PDE11A: variants seen among roughly 807,000 people sequenced by gnomAD.
The protein encoded by PDE11A is phosphodiesterase 11A, also known as dual 3',5'-cyclic-AMP and -GMP phosphodiesterase 11A.
PDE11A carries 100 observed loss-of-function variants against 100.5 expected under a neutral mutation model. The observed-to-expected ratio is 1.00, with a 90% confidence interval of 0.85 to 1.18. The LOEUF is 1.18. PDE11A is among the 50% of genes most tolerant of loss of function. PDE11A has a pLI of 0.00. For missense variants in PDE11A, 1,141 were observed against 1,152.6 expected, an observed-to-expected ratio of 0.99 and a Z score of 0.15; for synonymous variants, 381 against 420.8, an observed-to-expected ratio of 0.91 and a Z score of 1.16.
At chr2:177,819,949 G>A (rs781689682) in intron 7 of PDE11A, among the ~76,000 whole-genome samples, 1 of 148,180 alleles carries the variant, frequency 6.7e-6, no homozygotes, top group African/African-American at 2.5e-5. Context: ...TTTCCACAGG[G>A]TGAGATAAAA....
upstream of PDE11A, among the ~76,000 whole-genome samples, chr2:178,075,415 G>C (rs1178515309): frequency 6.6e-6 from 1 of 151,868 alleles, no homozygotes; most frequent in African/African-American, 2.4e-5. Context: ...AGCCTGGAAT[G>C]GTGGCATGCA....
intron 1 of PDE11A, among the ~76,000 whole-genome samples, chr2:178,023,433 A>C (rs749395119): frequency 6.6e-6 from 1 of 152,190 alleles, no homozygotes; most frequent in Admixed American, 6.5e-5. Context: ...AGAGTTGAGA[A>C]TCTTATCCAG....
intron 13 of PDE11A, among the ~76,000 whole-genome samples, chr2:177,707,940 C>T (rs2081303545): frequency 6.6e-6 from 1 of 152,112 alleles, no homozygotes; most frequent in Non-Finnish European, 1.5e-5. Context: ...ACACAGTTAT[C>T]CCATCTTTCT....
chr2:177,886,404 T>C (rs1251944278), intron 4 of PDE11A, among the ~76,000 whole-genome samples: 1 of 152,164 alleles, frequency 6.6e-6, no homozygotes, highest in East Asian at 1.9e-4. Context: ...TGGCATCCAT[T>C]CAGTAAACTG....
chr2:177,699,146 G>A lies in PDE11A; in HGVS notation c.2245-1714C>T, dbSNP rs148694571. The stretch of plus-strand genomic sequence containing the variant: ...ATCTCCTCATTGTGTGAACATCACA[G>A]AAAGCACTTACACAAAACTAGATGA... On this transcript the variant is annotated intron_variant, in intron 14 of 19. Coordinates refer to ENST00000286063, the MANE Select transcript of PDE11A (RefSeq NM_016953.4). 3.7e-3 allele frequency among the ~76,000 whole-genome samples: 565 copies of A among 152,302 alleles called. 3 individuals carry two copies. Among genetic ancestry groups the A allele is most frequent in the African/African-American group, 0.013 (528 of 41,570 alleles).
At chr2:178,036,411 T>C (rs989956587) in intron 1 of PDE11A, among the ~76,000 whole-genome samples, 13 of 152,086 alleles carry the variant, frequency 8.5e-5, no homozygotes, top group Non-Finnish European at 1.6e-4. Context: ...TGCTCATGGA[T>C]AGGGAGAATC....
intron 19 of PDE11A, among the ~76,000 whole-genome samples, chr2:177,646,129 A>G (rs746983997): frequency 1.6e-4 from 24 of 152,236 alleles, no homozygotes; most frequent in Admixed American, 3.3e-4. Flanking sequence ...TTTCCATAAT[A>G]TAGGGCAAGA....
chr2:178,034,100 G>A (rs2086580402), intron 1 of PDE11A, among the ~76,000 whole-genome samples: 3 of 152,052 alleles, frequency 2.0e-5, no homozygotes, highest in African/African-American at 2.4e-5. Flanking sequence ...ACACAGACTG[G>A]AAAATTGGAT....
intron 1 of PDE11A, among the ~76,000 whole-genome samples, chr2:178,065,422 T>C (rs529097101): frequency 6.6e-6 from 1 of 152,268 alleles, no homozygotes; most frequent in South Asian, 2.1e-4. Flanking sequence ...AGCTTATGGG[T>C]TGGGAAAAAA....
intron 19 of PDE11A, among the ~76,000 whole-genome samples, chr2:177,655,448 A>C (rs1451565822): frequency 6.6e-6 from 1 of 152,212 alleles, no homozygotes; most frequent in Non-Finnish European, 1.5e-5. Context: ...TAATGTTGGA[A>C]GGAACAGGAA....
intron 9 of PDE11A, among the ~76,000 whole-genome samples, chr2:177,777,145 T>A (rs61551597): frequency 0.088 from 13,460 of 152,186 alleles, 632 homozygotes; most frequent in Middle Eastern, 0.16. Flanking sequence ...GTCTTGGGTA[T>A]GCCTTTATTA....
At chr2:177,697,479 T>A (rs1238643693) in intron 14 of PDE11A, 47 bp from the exon 15 acceptor site, 1 of 905,398 alleles carries the variant, frequency 1.1e-6, no homozygotes, top group East Asian at 2.4e-5. Context: ...AATCTGTGGT[T>A]GTTGATTACA....
chr2:178,049,497 G>A (rs2086794528), intron 1 of PDE11A, among the ~76,000 whole-genome samples: 1 of 152,186 alleles, frequency 6.6e-6, no homozygotes, highest in Non-Finnish European at 1.5e-5. Flanking sequence ...TTGTCTGACA[G>A]TGGGTGCAGG....
At chr2:177,853,445 T>C (rs1360767784) in intron 5 of PDE11A, among the ~76,000 whole-genome samples, 1 of 151,314 alleles carries the variant, frequency 6.6e-6, no homozygotes, top group Non-Finnish European at 1.5e-5. Context: ...TTTTTGACGG[T>C]GGCATCATTA....
At chr2:178,097,047 C>T (rs1219891208) in intron 2 of PDE11A, among the ~76,000 whole-genome samples, 4 of 152,034 alleles carry the variant, frequency 2.6e-5, no homozygotes, top group African/African-American at 4.8e-5. Flanking sequence ...CCACCACACC[C>T]GACTAATTTT....
chr2:177,684,310 G>C (rs186805769), intron 15 of PDE11A, among the ~76,000 whole-genome samples: 9 of 152,304 alleles, frequency 5.9e-5, no homozygotes, highest in Admixed American at 3.3e-4. Context: ...ATTGGGACTA[G>C]AGTGATGTGA....
chr2:177,919,872 A>G (rs182613709), intron 2 of PDE11A, among the ~76,000 whole-genome samples: 51 of 152,292 alleles, frequency 3.3e-4, no homozygotes, highest in Non-Finnish European at 5.1e-4. Context: ...AGAGGAACCA[A>G]TTGTAAGGTT....
intron 2 of PDE11A, among the ~76,000 whole-genome samples, chr2:177,911,500 G>T (rs1461165690): frequency 6.6e-6 from 1 of 152,092 alleles, no homozygotes; most frequent in Non-Finnish European, 1.5e-5. Context: ...TATGACCTTG[G>T]CTAAGGCATG....
rs369540302 is a variant in PDE11A at position 178,092,687 on chromosome 2, G to A, written c.162+11615C>T. On this transcript the variant is annotated intron_variant, in intron 2 of 20. Coordinates refer to the PDE11A transcript ENST00000358450. Reference sequence around the variant, plus strand: ...GCGATCTCAGCTCACTGCAACCTCCGCCTCCCAGGTTCAAGCCATTCTCCT... The same window carrying A: ...GCGATCTCAGCTCACTGCAACCTCCACCTCCCAGGTTCAAGCCATTCTCCT... 1.3e-3 allele frequency: 204 copies of A among 151,124 alleles called. 4 individuals are homozygous for A. The Middle Eastern group carries it at 0.017, about 13-fold the overall frequency. 9.4% of individuals were successfully genotyped at this position (151,124 alleles called of 1,614,324 possible).
Sources: gnomAD v4.1 joint callset for allele counts (sites outside exome capture counted in the v4.1 genomes callset) on GRCh38, gnomAD v4.1.1 for gene constraint, MANE v1.5 for transcripts, NCBI Gene and HGNC (gene_info 2026-07-23, HGNC 2026-07-21) for gene names.